RNF144A: variants seen among roughly 807,000 people sequenced by gnomAD.
RNF144A encodes ring finger protein 144A, also known as E3 ubiquitin-protein ligase RNF144A.
RNF144A carries 11 observed loss-of-function variants against 38.7 expected under a neutral mutation model. The ratio of observed to expected loss-of-function variants is 0.28; its 90% CI spans 0.18 to 0.47. The LOEUF is 0.47. Among genes scored for constraint, RNF144A ranks in the 20% least tolerant of loss-of-function variants. RNF144A has a pLI of 0.99. For missense variants in RNF144A, 316 were observed against 377.2 expected (o/e 0.84, Z 1.34); for synonymous variants, 149 against 143.9 (o/e 1.04, Z -0.25).
At position 6,962,444 on chromosome 2, in the gene RNF144A, G is replaced by T. The variant is rs908845; in HGVS notation, c.-12+21297G>T. Among the ~76,000 whole-genome samples, 49,517 of 151,862 alleles carry T rather than the reference G, an allele frequency of 0.33. 9,457 individuals carry two copies. Among genetic ancestry groups the T allele is most frequent in the Non-Finnish European group, 0.43 (29,386 of 67,856 alleles). ...TGTTTGCAGCTCCATTTCTCAGGCT[G>T]TTCTTTGTTACAAGAGAAATGATTT... On this transcript the variant is annotated intron_variant, in intron 2 of 8. Coordinates refer to ENST00000320892, the MANE Select transcript of RNF144A (RefSeq NM_014746.6). This position sits in a 1 kb window ranked among gnomAD's most constrained non-coding sequence, Gnocchi z 4.1.
At chr2:6,974,886 TA>T (rs938525284) in intron 2 of RNF144A, among the ~76,000 whole-genome samples, 2 of 152,238 alleles carry the variant, frequency 1.3e-5, no homozygotes, top group African/African-American at 4.8e-5. Flanking sequence ...TATACAATAC[TA>T]AAATACATTT....
At chr2:7,002,624 C>A (rs912857414) in intron 3 of RNF144A, among the ~76,000 whole-genome samples, 1 of 152,126 alleles carries the variant, frequency 6.6e-6, no homozygotes, top group Non-Finnish European at 1.5e-5. Context: ...TACAGTCATG[C>A]GCCTCATCAC....
chr2:7,044,687 T>A (rs1314853853), downstream of RNF144A, among the ~76,000 whole-genome samples: 1 of 152,200 alleles, frequency 6.6e-6, no homozygotes, highest in East Asian at 1.9e-4. Context: ...GAGCTGAAGA[T>A]GTGGTGGTTC....
chr2:7,043,578 A>C lies in RNF144A; in HGVS notation c.*3818A>C. 1 of 985,712 alleles carries C rather than the reference A, an allele frequency of 1.0e-6. No homozygotes were observed. The highest frequency in any genetic ancestry group is 1.2e-6 in the Non-Finnish European group (1 of 829,800). The allele number at this position is 985,712 out of a possible 1,614,324, so 61.1% of individuals were successfully genotyped here. A position where few individuals can be genotyped will look rare whatever the true frequency, so the allele number is the denominator to read the frequency against. On this transcript the variant is annotated 3_prime_UTR_variant, in exon 9 of 9. Coordinates refer to ENST00000320892, the MANE Select transcript of RNF144A (RefSeq NM_014746.6). Reference sequence around the variant, plus strand: ...TTGTTTATTTCTGATAATTAACCTAAGCCCTTATGAAAATAAACAAAATGA... The same window carrying C: ...TTGTTTATTTCTGATAATTAACCTACGCCCTTATGAAAATAAACAAAATGA...
chr2:6,934,122 T>C (rs1665394202), intron 1 of RNF144A, among the ~76,000 whole-genome samples: 1 of 152,236 alleles, frequency 6.6e-6, no homozygotes, highest in Non-Finnish European at 1.5e-5. Context: ...GTTGTTCTGC[T>C]AAGAAATGGA....
intron 5 of RNF144A, among the ~76,000 whole-genome samples, chr2:7,017,320 TG>T (rs1394531266): frequency 6.6e-5 from 4 of 60,426 alleles, no homozygotes; most frequent in South Asian, 1.2e-3. Context: ...TTTTGTTCTT[TG>T]TTTTTTTTTT....
intron 6 of RNF144A, among the ~76,000 whole-genome samples, chr2:7,024,077 CTGTAT>C (rs1671711292): frequency 6.6e-6 from 1 of 152,126 alleles, no homozygotes; most frequent in Admixed American, 6.5e-5. Flanking sequence ...AAGCCTTTCG[CTGTAT>C]TTTCTTTTGT....
intron 6 of RNF144A, among the ~76,000 whole-genome samples, chr2:7,022,621 T>C (rs1044739547): frequency 1.3e-5 from 2 of 152,190 alleles, no homozygotes; most frequent in Non-Finnish European, 2.9e-5. Context: ...AGAAAATTGG[T>C]TTCTTAGCTT....
intron 5 of RNF144A, among the ~76,000 whole-genome samples, chr2:7,018,419 C>T (rs538614516): frequency 1.5e-3 from 224 of 152,252 alleles, no homozygotes; most frequent in African/African-American, 4.6e-3. Context: ...AGAGAGTTGT[C>T]GGAGGCATCG....
intron 2 of RNF144A, among the ~76,000 whole-genome samples, chr2:6,993,625 C>T (rs113422465): frequency 9.2e-5 from 14 of 152,148 alleles, no homozygotes; most frequent in South Asian, 2.1e-4. Context: ...AGCTCTGCCT[C>T]TGGGTAATGC....
At chr2:6,952,360 C>T (rs1029781930) in intron 2 of RNF144A, among the ~76,000 whole-genome samples, 2 of 148,258 alleles carry the variant, frequency 1.3e-5, no homozygotes, top group African/African-American at 2.5e-5. Flanking sequence ...TTTTTCTTTC[C>T]TTAACTGCTT....
intron 2 of RNF144A, among the ~76,000 whole-genome samples, chr2:6,990,622 T>C (rs965506600): frequency 1.3e-5 from 2 of 151,406 alleles, no homozygotes; most frequent in African/African-American, 2.4e-5. Context: ...GACTTCTAGA[T>C]GTGCTAAATC....
At chr2:7,006,283 C>T (rs1670435426) in intron 3 of RNF144A, among the ~76,000 whole-genome samples, 1 of 152,056 alleles carries the variant, frequency 6.6e-6, no homozygotes, top group African/African-American at 2.4e-5. Context: ...TTTTCCTAAT[C>T]AAGAGTATGA....
chr2:6,970,102 G>C (rs1032166244), intron 2 of RNF144A, among the ~76,000 whole-genome samples: 2 of 152,154 alleles, frequency 1.3e-5, no homozygotes, highest in Non-Finnish European at 2.9e-5. Flanking sequence ...GTGGGTATAA[G>C]GTGTATATGG....
chr2:6,985,200 G>C (rs1668869271), intron 2 of RNF144A, among the ~76,000 whole-genome samples: 1 of 151,822 alleles, frequency 6.6e-6, no homozygotes, highest in Admixed American at 6.6e-5. Context: ...TGATTCCGCG[G>C]GACTTCCCCA....
intron 7 of RNF144A, among the ~76,000 whole-genome samples, chr2:7,025,200 A>C (rs1316135981): frequency 6.6e-6 from 1 of 152,200 alleles, no homozygotes; most frequent in Non-Finnish European, 1.5e-5. Flanking sequence ...CATGTCCCTG[A>C]CGGGAGGGCA....
At chr2:7,025,049 A>G (rs1360245544) in intron 7 of RNF144A, among the ~76,000 whole-genome samples, 2 of 152,152 alleles carry the variant, frequency 1.3e-5, no homozygotes, top group Admixed American at 1.3e-4. Context: ...TGACACTCAC[A>G]TCATCTACAG....
At chr2:6,956,430 A>ACATC (rs932102213) in intron 2 of RNF144A, among the ~76,000 whole-genome samples, 22 of 152,184 alleles carry the variant, frequency 1.4e-4, no homozygotes, top group African/African-American at 4.8e-4. Flanking sequence ...TGTACACCAC[A>ACATC]CATCTTTTTG....
At chr2:7,028,364 G>A (rs1039452075) in intron 7 of RNF144A, among the ~76,000 whole-genome samples, 1 of 152,212 alleles carries the variant, frequency 6.6e-6, no homozygotes, top group African/African-American at 2.4e-5. Flanking sequence ...AGAGGCCTGT[G>A]CTTCCCAAGG....
Sources: allele counts gnomAD v4.1 joint callset (sites outside exome capture counted in the v4.1 genomes callset), GRCh38; gene constraint gnomAD v4.1.1; non-coding constraint Gnocchi (gnomAD v3.1); transcripts MANE v1.5; gene names NCBI Gene and HGNC (gene_info 2026-07-23, HGNC 2026-07-21).